Variants in FOXN3 observed in about 807,000 individuals in gnomAD.
FOXN3 encodes forkhead box N3.
FOXN3 carries 7 observed loss-of-function variants against 38.4 expected under a neutral mutation model. The observed-to-expected ratio is 0.18, with a 90% CI of 0.10 to 0.34. The LOEUF (loss-of-function observed/expected upper bound fraction) is 0.34. Among genes scored for constraint, FOXN3 ranks in the 10% least tolerant of loss-of-function variants. The pLI, the probability that FOXN3 is intolerant of heterozygous loss-of-function variation, is 1.00. For missense variants in FOXN3, 456 were observed against 613.4 expected (o/e 0.74, Z 2.71); for synonymous variants, 230 against 242.2 (o/e 0.95, Z 0.47).
intron 4 of FOXN3, among the ~76,000 whole-genome samples, chr14:89,198,964 T>C (rs894633520): frequency 1.3e-5 from 2 of 152,250 alleles, no homozygotes; most frequent in Non-Finnish European, 2.9e-5. Context: ...TTAAGACAGA[T>C]AGGATATCTA....
At chr14:89,260,112 G>T (rs1436463124) in intron 4 of FOXN3, among the ~76,000 whole-genome samples, 1 of 152,198 alleles carries the variant, frequency 6.6e-6, no homozygotes, top group East Asian at 1.9e-4. Flanking sequence ...TATTCCAGTT[G>T]TTAAACAACA....
intron 1 of FOXN3, among the ~76,000 whole-genome samples, chr14:89,554,990 C>T (rs549197099): frequency 6.6e-6 from 1 of 152,048 alleles, no homozygotes; most frequent in South Asian, 2.1e-4. Context: ...TGGGTTTCAC[C>T]ATGTTGGTCA....
intron 1 of FOXN3, among the ~76,000 whole-genome samples, chr14:89,457,303 G>A (rs1309447471): frequency 1.3e-5 from 2 of 152,184 alleles, no homozygotes; most frequent in African/African-American, 2.4e-5. Flanking sequence ...ACAAGCAGGT[G>A]TGCAAGCCAT....
chr14:89,378,673 G>A (rs1490284928), intron 2 of FOXN3, among the ~76,000 whole-genome samples: 1 of 151,076 alleles, frequency 6.6e-6, no homozygotes, highest in Admixed American at 6.6e-5. Context: ...AGAAAGGCAG[G>A]GAAAATGAGG....
At chr14:89,413,525 T>G (rs1403900128) in intron 1 of FOXN3, among the ~76,000 whole-genome samples, 1 of 151,960 alleles carries the variant, frequency 6.6e-6, no homozygotes, top group East Asian at 1.9e-4. Context: ...TCCCAGCTAC[T>G]TGGGAGGCTG....
chr14:89,459,026 T>C lies in FOXN3; in HGVS notation c.-14-46536A>G, dbSNP rs537924025. 4.6e-5 allele frequency among the ~76,000 whole-genome samples: 7 copies of C among 152,324 alleles called. No individual in the cohort carries two copies. The East Asian group carries it at 5.8e-4, about 13-fold the overall frequency. ...TCCACTTTTAAGAAGGCTAAGCTAA[T>C]ATGTTCTGAGTTTGCAGGAATCTCA... is the stretch of plus-strand genomic sequence containing the variant. On this transcript the variant is annotated intron_variant, in intron 1 of 6. Transcript: ENST00000345097.
chr14:89,552,340 T>A (rs1004388785), intron 1 of FOXN3, among the ~76,000 whole-genome samples: 2 of 152,252 alleles, frequency 1.3e-5, no homozygotes, highest in Admixed American at 1.3e-4. Context: ...TTCACATATG[T>A]GTCACCGTCA....
chr14:89,323,846 T>G (rs1596183805), intron 3 of FOXN3, among the ~76,000 whole-genome samples: 1 of 151,564 alleles, frequency 6.6e-6, no homozygotes, highest in South Asian at 2.1e-4. Flanking sequence ...CAATTGGGGG[T>G]GGTGGTGAAG....
At chr14:89,389,308 A>G (rs912169632) in intron 2 of FOXN3, among the ~76,000 whole-genome samples, 2 of 114,766 alleles carry the variant, frequency 1.7e-5, no homozygotes, top group Admixed American at 8.1e-5. Flanking sequence ...ACTTAAAACA[A>G]AAAAAAAAGA....
rs1887046589 is a variant in FOXN3 at position 89,159,302 on chromosome 14, CATA to C, written c.*3109_*3111del. ...CAATTGAGCCATTGTTTTGGTTATG[CATA>C]ATGTGTATGCCTCCAAAAACAGAAG... On this transcript the variant is annotated 3_prime_UTR_variant, in exon 6 of 6. Transcript: ENST00000557258. The C allele has an allele frequency of 6.6e-6, 1 of 152,568 alleles. No homozygotes were observed. The highest frequency in any genetic ancestry group is 1.5e-5 in the Non-Finnish European group (1 of 68,024). The allele number at this position is 152,568 out of a possible 1,614,324, so 9.5% of individuals were successfully genotyped here.
At chr14:89,281,676 C>T (rs2401816) in intron 3 of FOXN3, among the ~76,000 whole-genome samples, 79,439 of 151,930 alleles carry the variant, frequency 0.52, 21,154 homozygotes, top group East Asian at 0.63. Flanking sequence ...TTACCGCATT[C>T]ATAGATGAGC....
In FOXN3 at chr14:89,360,752, C is replaced by T. The variant is rs1488616299; in HGVS notation, c.544-9944G>A. ...CCACCACCTCCAGCACCACCTCCAC[C>T]ACCACCTCCACCACTACCACCTCCA... On this transcript the variant is annotated intron_variant, in intron 2 of 5. Transcript: ENST00000557258. 6.7e-5 allele frequency among the ~76,000 whole-genome samples: 8 copies of T among 119,912 alleles called. No individual in the cohort carries two copies. The East Asian group carries it at 1.6e-3, about 24-fold the overall frequency. 78.7% of individuals were successfully genotyped at this position (119,912 alleles called of 152,430 possible).
chr14:89,430,724 T>C (rs768844593), intron 1 of FOXN3, among the ~76,000 whole-genome samples: 1 of 152,234 alleles, frequency 6.6e-6, no homozygotes, highest in Non-Finnish European at 1.5e-5. Flanking sequence ...CTCTTAGATC[T>C]CTGAACATTA....
chr14:89,274,827 T>C (rs548007425), intron 4 of FOXN3, among the ~76,000 whole-genome samples: 59 of 152,322 alleles, frequency 3.9e-4, no homozygotes, highest in South Asian at 2.1e-4. Context: ...CAGATTTATG[T>C]ATACATCCAA....
Position 89,370,503 on chromosome 14 carries a change from C to G in FOXN3, c.544-19695G>C, listed in dbSNP as rs79158346. Among the ~76,000 whole-genome samples, 604 of 152,324 alleles carry G rather than the reference C, an allele frequency of 4.0e-3. 1 individual carries two copies. Among genetic ancestry groups the G allele is most frequent in the Non-Finnish European group, 5.6e-3 (380 of 68,028 alleles). ...GGCTGTACCAAAACACACAGAATCC[C>G]AAAGAGTGGGAAACTCATGCACATC... is the stretch of plus-strand genomic sequence containing the variant. On this transcript the variant is annotated intron_variant, in intron 2 of 5. Coordinates refer to ENST00000557258, the MANE Select transcript of FOXN3 (RefSeq NM_005197.4).
chr14:89,349,277 GC>G (rs1888876454), intron 3 of FOXN3, among the ~76,000 whole-genome samples: 1 of 152,108 alleles, frequency 6.6e-6, no homozygotes. Flanking sequence ...TACTATGTTG[GC>G]TGGGCTGCTT....
At chr14:89,183,560 C>T (rs1596085924) in intron 4 of FOXN3, among the ~76,000 whole-genome samples, 1 of 152,084 alleles carries the variant, frequency 6.6e-6, no homozygotes. Context: ...GATGGAGACA[C>T]CTAACCCAAA....
intron 3 of FOXN3, among the ~76,000 whole-genome samples, chr14:89,334,211 A>C (rs1888367819): frequency 6.6e-6 from 1 of 152,116 alleles, no homozygotes; most frequent in Non-Finnish European, 1.5e-5. Flanking sequence ...AAACTCACAG[A>C]AACAGAGAAT....
In FOXN3 at chr14:89,350,468, C is replaced by G. The variant is rs537976734; in HGVS notation, c.680+204G>C. ...CACCCACCATGAAGCCTTCTGGAAG[C>G]ACATTCCTCTGACGCTGCAGCAGCG... is the stretch of plus-strand genomic sequence containing the variant. On this transcript the variant is annotated intron_variant, in intron 3 of 5. Coordinates refer to ENST00000557258, the MANE Select transcript of FOXN3 (RefSeq NM_005197.4). 273 of 409,688 alleles carry G rather than the reference C, an allele frequency of 6.7e-4. 1 individual carries two copies. Among genetic ancestry groups the G allele is most frequent in the African/African-American group, 5.3e-3 (257 of 48,684 alleles). 25.4% of individuals were successfully genotyped at this position (409,688 alleles called of 1,614,324 possible).
Sources: allele counts gnomAD v4.1 joint callset (sites outside exome capture counted in the v4.1 genomes callset), GRCh38; gene constraint gnomAD v4.1.1; transcripts MANE v1.5; gene names NCBI Gene and HGNC (gene_info 2026-07-23, HGNC 2026-07-21).